EPHB1: variants seen among roughly 807,000 people sequenced by gnomAD.
EPHB1 encodes the protein EPH receptor B1.
EPHB1 carries 30 observed loss-of-function variants against 94.4 expected under a neutral mutation model. The ratio of observed to expected loss-of-function variants is 0.32; its 90% CI spans 0.24 to 0.43. The LOEUF (loss-of-function observed/expected upper bound fraction) is 0.43. EPHB1 is among the 20% of genes least tolerant of loss of function. The probability of loss-of-function intolerance (pLI) is 1.00; values close to 1 mark genes in which losing one functional copy is unlikely to be tolerated. For missense variants in EPHB1, 1,055 were observed against 1,308.3 expected (o/e 0.81, Z 2.99); for synonymous variants, 522 against 489.1 (o/e 1.07, Z -0.89).
chr3:135,129,807 T>C (rs1940356028), intron 4 of EPHB1, among the ~76,000 whole-genome samples: 1 of 152,146 alleles, frequency 6.6e-6, no homozygotes, highest in African/African-American at 2.4e-5. Flanking sequence ...GGAGTTCAAG[T>C]TGATACAGAG....
intron 3 of EPHB1, among the ~76,000 whole-genome samples, chr3:134,967,272 A>G (rs1578238510): frequency 2.0e-5 from 3 of 152,200 alleles, no homozygotes; most frequent in East Asian, 3.8e-4. Context: ...ATCACAACAC[A>G]CATTGGTACT....
intron 3 of EPHB1, among the ~76,000 whole-genome samples, chr3:135,097,378 A>G (rs569701025): frequency 5.9e-5 from 9 of 152,034 alleles, no homozygotes; most frequent in Non-Finnish European, 1.3e-4. Flanking sequence ...ACAGCCTCCT[A>G]CAACCAGACA....
intron 3 of EPHB1, among the ~76,000 whole-genome samples, chr3:135,089,045 C>T (rs1219970522): frequency 6.6e-6 from 1 of 152,200 alleles, no homozygotes; most frequent in African/African-American, 2.4e-5. Flanking sequence ...GTAGGACTTG[C>T]TTTCCATGGC....
At chr3:135,134,921 G>A (rs190813510) in intron 5 of EPHB1, among the ~76,000 whole-genome samples, 5 of 151,986 alleles carry the variant, frequency 3.3e-5, no homozygotes, top group African/African-American at 1.2e-4. Context: ...TGCTATTCCC[G>A]AACCTGCCCA....
chr3:134,969,737 G>A (rs1049351617), intron 3 of EPHB1, among the ~76,000 whole-genome samples: 3 of 152,132 alleles, frequency 2.0e-5, no homozygotes, highest in Non-Finnish European at 2.9e-5. Context: ...AATTGGTGAC[G>A]TTTTAAGGTG....
At chr3:135,058,792 G>A (rs1937413964) in intron 3 of EPHB1, among the ~76,000 whole-genome samples, 1 of 152,212 alleles carries the variant, frequency 6.6e-6, no homozygotes, top group African/African-American at 2.4e-5. Flanking sequence ...AGGGATTCAT[G>A]TTCATACAGA....
chr3:135,035,089 G>A (rs1165304188), intron 3 of EPHB1, among the ~76,000 whole-genome samples: 6 of 152,180 alleles, frequency 3.9e-5, no homozygotes, highest in Non-Finnish European at 8.8e-5. Flanking sequence ...AGCTTCCTCC[G>A]TTGCTACATT....
intron 3 of EPHB1, among the ~76,000 whole-genome samples, chr3:135,011,977 A>C (rs1029928272): frequency 3.3e-5 from 5 of 152,090 alleles, no homozygotes; most frequent in Non-Finnish European, 7.4e-5. Context: ...TTTTTACTGG[A>C]TAAAGCAATA....
intron 5 of EPHB1, among the ~76,000 whole-genome samples, chr3:135,138,553 T>C (rs1417015370): frequency 6.6e-6 from 1 of 152,220 alleles, no homozygotes; most frequent in Non-Finnish European, 1.5e-5. Flanking sequence ...CTGCTGCCTG[T>C]AAAAATGTGG....
At chr3:134,934,777 G>A (rs1578209607) in intron 2 of EPHB1, among the ~76,000 whole-genome samples, 1 of 152,158 alleles carries the variant, frequency 6.6e-6, no homozygotes, top group South Asian at 2.1e-4. Context: ...GGGAGTTGTG[G>A]TGGTTCACCA....
At chr3:134,900,295 C>T (rs2038174890) in intron 1 of EPHB1, among the ~76,000 whole-genome samples, 1 of 152,152 alleles carries the variant, frequency 6.6e-6, no homozygotes, top group Admixed American at 6.5e-5. Flanking sequence ...CTAGTGGTCC[C>T]AGCAAAGTGC....
At chr3:134,980,898 A>G (rs1934377141) in intron 3 of EPHB1, among the ~76,000 whole-genome samples, 1 of 152,188 alleles carries the variant, frequency 6.6e-6, no homozygotes, top group Non-Finnish European at 1.5e-5. Context: ...CCTTCAGAAT[A>G]AAGGTACTAG....
rs1206970580 is a variant in EPHB1 at position 134,795,443 on chromosome 3, G to A, written c.-189G>A. The A allele has an allele frequency of 1.7e-6, 1 of 574,992 alleles. No individual in the cohort carries two copies. Among genetic ancestry groups the A allele is most frequent in the South Asian group, 2.2e-5 (1 of 46,476 alleles). 35.6% of individuals were successfully genotyped at this position (574,992 alleles called of 1,614,324 possible). On this transcript the variant is annotated 5_prime_UTR_variant, in exon 1 of 16. Transcript: ENST00000398015. Reference sequence around the variant, plus strand: ...CACATGCACACCCACACCCACGCGCGCCCGCACCGCCCCACGCGCACACAC... The same window carrying A: ...CACATGCACACCCACACCCACGCGCACCCGCACCGCCCCACGCGCACACAC...
chr3:134,970,213 AT>A (rs1365677603), intron 3 of EPHB1, among the ~76,000 whole-genome samples: 1 of 152,124 alleles, frequency 6.6e-6, no homozygotes, highest in Non-Finnish European at 1.5e-5. Context: ...TGGCACAAAG[AT>A]TTTCTTCTCT....
At chr3:135,082,040 C>G (rs1236659605) in intron 3 of EPHB1, among the ~76,000 whole-genome samples, 3 of 151,752 alleles carry the variant, frequency 2.0e-5, no homozygotes, top group Non-Finnish European at 4.4e-5. Context: ...CAGGCTCTTC[C>G]CAGCATGAGT....
intron 3 of EPHB1, among the ~76,000 whole-genome samples, chr3:135,064,620 T>C (rs1038901257): frequency 6.6e-6 from 1 of 152,186 alleles, no homozygotes; most frequent in African/African-American, 2.4e-5. Flanking sequence ...TAATGGTCTA[T>C]CAATTTTATT....
intron 1 of EPHB1, among the ~76,000 whole-genome samples, chr3:134,806,972 G>A (rs2036074084): frequency 6.6e-6 from 1 of 152,204 alleles, no homozygotes; most frequent in Non-Finnish European, 1.5e-5. Flanking sequence ...AATACTCGAA[G>A]GGCATTCTTA....
chr3:134,815,038 G>A (rs1419735527), intron 1 of EPHB1, among the ~76,000 whole-genome samples: 2 of 152,124 alleles, frequency 1.3e-5, no homozygotes, highest in Non-Finnish European at 2.9e-5. Flanking sequence ...CTTATTTTGA[G>A]CAATTTTTAA....
intron 5 of EPHB1, among the ~76,000 whole-genome samples, chr3:135,148,774 G>T (rs1941097126): frequency 6.6e-6 from 1 of 152,146 alleles, no homozygotes; most frequent in Non-Finnish European, 1.5e-5. Flanking sequence ...AAAGTCTTTG[G>T]TGGCAAAAAC....
Sources: allele counts gnomAD v4.1 joint callset (sites outside exome capture counted in the v4.1 genomes callset), GRCh38; gene constraint gnomAD v4.1.1; transcripts MANE v1.5; gene names NCBI Gene and HGNC (gene_info 2026-07-23, HGNC 2026-07-21).